TG: variants seen among roughly 807,000 people sequenced by gnomAD.
TG encodes the protein thyroid hormones.
In TG, 270 loss-of-function variants were observed where a neutral mutation model predicts 324.7. That is an observed-to-expected ratio of 0.83 (90% CI 0.75 to 0.92). The LOEUF (loss-of-function observed/expected upper bound fraction) is 0.92, where lower values mean the gene tolerates loss of function less well. TG is among the 40% of genes least tolerant of loss of function. The pLI is 0.00. For missense variants in TG, 3,591 were observed against 3,456.4 expected, an observed-to-expected ratio of 1.04 and a Z score of -0.98; for synonymous variants, 1,401 against 1,327.0, an observed-to-expected ratio of 1.06 and a Z score of -1.21.
intron 40 of TG, among the ~76,000 whole-genome samples, chr8:133,025,775 A>G (rs923994341): frequency 5.3e-5 from 8 of 152,122 alleles, no homozygotes; most frequent in African/African-American, 1.9e-4. Flanking sequence ...AGTTCAGAAC[A>G]TAGATTTGGA....
intron 16 of TG, among the ~76,000 whole-genome samples, chr8:132,906,331 T>A (rs1587347478): frequency 1.3e-5 from 2 of 151,762 alleles, no homozygotes; most frequent in Admixed American, 1.3e-4. Context: ...GAGGCAGGGG[T>A]GGCAGATACT....
chr8:132,947,972 C>G (rs764584109), intron 26 of TG, among the ~76,000 whole-genome samples: 10 of 152,170 alleles, frequency 6.6e-5, no homozygotes, highest in Non-Finnish European at 1.2e-4. Context: ...TTTTGGGTAG[C>G]TTTTTAAAAT....
intron 45 of TG, among the ~76,000 whole-genome samples, chr8:133,119,428 T>G (rs1687008179): frequency 6.6e-6 from 1 of 152,180 alleles, no homozygotes; most frequent in Non-Finnish European, 1.5e-5. Flanking sequence ...CAACGTAAAC[T>G]TATTGCTCAC....
chr8:132,906,321 G>A (rs1403147647), intron 16 of TG, among the ~76,000 whole-genome samples: 4 of 152,160 alleles, frequency 2.6e-5, no homozygotes, highest in Non-Finnish European at 5.9e-5. Flanking sequence ...CTGGGGGACT[G>A]AGGCAGGGGT....
chr8:133,000,500 C>A (rs1280175382), intron 35 of TG, among the ~76,000 whole-genome samples: 1 of 152,206 alleles, frequency 6.6e-6, no homozygotes, highest in East Asian at 1.9e-4. Flanking sequence ...ACAGAGCTGG[C>A]AGGAGGCAGA....
intron 5 of TG, among the ~76,000 whole-genome samples, chr8:132,877,564 G>C (rs77011407): frequency 6.6e-6 from 1 of 152,278 alleles, no homozygotes; most frequent in Admixed American, 6.5e-5. Context: ...GACTGAGCCC[G>C]GAGGCAGGAA....
In TG at chr8:133,041,363, G is replaced by A. The variant is rs1326593235; in HGVS notation, c.7239+11340G>A. On this transcript the variant is annotated intron_variant, in intron 41 of 47. Coordinates refer to ENST00000220616, the MANE Select transcript of TG (RefSeq NM_003235.5). ...AGCACACTCAGTCTGTCACAGGGCG[G>A]GCAAGCCAGGAAGACCTCGTTTCAT... Among the ~76,000 whole-genome samples, 5 of 152,220 alleles carry A rather than the reference G, an allele frequency of 3.3e-5. No individual in the cohort carries two copies. The East Asian group carries it at 7.7e-4, about 23-fold the overall frequency.
intron 27 of TG, among the ~76,000 whole-genome samples, chr8:132,949,614 A>G (rs1176648375): frequency 5.3e-5 from 8 of 152,156 alleles, no homozygotes; most frequent in Admixed American, 1.3e-4. Flanking sequence ...AAGTTTACCA[A>G]TTGTACTGCC....
intron 20 of TG, among the ~76,000 whole-genome samples, chr8:132,917,576 G>A (rs1029208591): frequency 2.0e-5 from 3 of 152,046 alleles, no homozygotes; most frequent in Non-Finnish European, 4.4e-5. Context: ...AGAGAGACAG[G>A]GACAGGCCAG....
chr8:132,936,671 G>A (rs1359393942), intron 25 of TG, among the ~76,000 whole-genome samples: 3 of 152,152 alleles, frequency 2.0e-5, no homozygotes. Context: ...CGTGGGAGAG[G>A]CAGGAACTCT....
At chr8:133,134,639 C>G in intron 47 of TG, 37 bp from the exon 48 acceptor site, 1 of 1,580,990 alleles carries the variant, frequency 6.3e-7, no homozygotes, top group Non-Finnish European at 8.7e-7. Flanking sequence ...AAGTCCTAAT[C>G]TGGCTTGGAC....
At chr8:133,110,421 T>C (rs1273708271) in intron 43 of TG, among the ~76,000 whole-genome samples, 1 of 152,236 alleles carries the variant, frequency 6.6e-6, no homozygotes, top group African/African-American at 2.4e-5. Context: ...TTATATTTTC[T>C]TGCACAGTTT....
chr8:133,017,259 C>A (rs1396667907), intron 37 of TG, among the ~76,000 whole-genome samples: 1 of 136,908 alleles, frequency 7.3e-6, no homozygotes. Context: ...TCCTAAAAGT[C>A]TTTTTTTTTT....
At chr8:132,982,751 C>A (rs1831039061) in intron 34 of TG, among the ~76,000 whole-genome samples, 1 of 152,178 alleles carries the variant, frequency 6.6e-6, no homozygotes, top group South Asian at 2.1e-4. Flanking sequence ...GTACTAAACT[C>A]ATTGTACAGA....
chr8:132,975,210 C>T (rs1051750081), intron 34 of TG, among the ~76,000 whole-genome samples: 10 of 152,286 alleles, frequency 6.6e-5, no homozygotes, highest in Non-Finnish European at 1.3e-4. Context: ...TCTCACTTCC[C>T]CCTTGCCCCA....
At chr8:133,044,149 G>A (rs769602242) in intron 41 of TG, among the ~76,000 whole-genome samples, 10 of 152,166 alleles carry the variant, frequency 6.6e-5, no homozygotes, top group Non-Finnish European at 1.5e-4. Context: ...GATAGAAACA[G>A]AGCTTCCTGA....
chr8:132,962,088 T>C (rs906581099), intron 28 of TG, among the ~76,000 whole-genome samples: 2 of 150,910 alleles, frequency 1.3e-5, no homozygotes, highest in Non-Finnish European at 2.9e-5. Context: ...ACATGCTGAG[T>C]AATGTTGGTG....
intron 41 of TG, chr8:133,050,776 C>T: frequency 1.5e-6 from 2 of 1,295,086 alleles, no homozygotes; most frequent in Non-Finnish European, 2.2e-6. Context: ...CAAGTTTATC[C>T]TGCTTTGAAG....
Position 132,888,189 on chromosome 8 carries a change from C to T in TG, c.2382C>T (p.Gly794=), listed in dbSNP as rs2132172838. ...AACGATGGGAGGCTCAGAACAAGGG[C>T]CAGGATCTGACGCCTGCCAAGCTGC... is the stretch of plus-strand genomic sequence containing the variant. ...LYQRWEAQNK[G]QDLTPAKLLV... is the part of the protein sequence containing the mutation. The change falls in exon 10 of 48, where the codon GGC becomes GGT. Residue 794 remains glycine, a synonymous_variant. Transcript: ENST00000220616. The T allele has an allele frequency of 6.2e-7, 1 of 1,614,168 alleles. No homozygotes were observed. The highest frequency in any genetic ancestry group is 1.1e-5 in the South Asian group (1 of 91,076).
Sources: allele counts gnomAD v4.1 joint callset (sites outside exome capture counted in the v4.1 genomes callset), GRCh38; gene constraint gnomAD v4.1.1; transcripts MANE v1.5; gene names NCBI Gene and HGNC (gene_info 2026-07-23, HGNC 2026-07-21).